KCTD1: variants seen among roughly 807,000 people sequenced by gnomAD.
The protein encoded by KCTD1 is potassium channel tetramerization domain containing 1.
Under a neutral mutation model 66.0 loss-of-function variants are expected in KCTD1, and 24 were observed. That is an observed-to-expected ratio of 0.36 (90% confidence interval 0.26 to 0.51). KCTD1 has a LOEUF of 0.51. KCTD1 is among the 20% of genes least tolerant of loss of function. The pLI, the probability that KCTD1 is intolerant of heterozygous loss-of-function variation, is 0.95. For missense variants in KCTD1, 943 were observed against 1,205.2 expected, an observed-to-expected ratio of 0.78 and a Z score of 3.22; for synonymous variants, 511 against 517.2, an observed-to-expected ratio of 0.99 and a Z score of 0.16.
intron 1 of KCTD1, among the ~76,000 whole-genome samples, chr18:26,507,376 T>C (rs1983095037): frequency 6.6e-6 from 1 of 152,124 alleles, no homozygotes; most frequent in South Asian, 2.1e-4. Context: ...TACAATTTAT[T>C]CTTATTTCTT....
chr18:26,464,302 T>C (rs1169737215), intron 3 of KCTD1, among the ~76,000 whole-genome samples: 1 of 152,232 alleles, frequency 6.6e-6, no homozygotes, highest in Non-Finnish European at 1.5e-5. Flanking sequence ...CCTTGGCCCA[T>C]GGCCAGCAAG....
chr18:26,520,905 C>T (rs944091270), intron 1 of KCTD1, among the ~76,000 whole-genome samples: 2 of 152,238 alleles, frequency 1.3e-5, no homozygotes, highest in East Asian at 3.8e-4. Context: ...AGCTGAGCTC[C>T]TGGCTCCTGC....
intron 1 of KCTD1, among the ~76,000 whole-genome samples, chr18:26,523,207 C>G (rs1388700537): frequency 6.6e-6 from 1 of 152,078 alleles, no homozygotes; most frequent in Non-Finnish European, 1.5e-5. Flanking sequence ...CTGAGTTAAA[C>G]AGGCTTCTTT....
intron 1 of KCTD1, chr18:26,591,551 G>A (rs1028255233): frequency 1.3e-5 from 2 of 152,120 alleles, no homozygotes; most frequent in African/African-American, 2.4e-5. Context: ...CAAGGTGCAG[G>A]GATTTCCCCA....
chr18:26,558,321 T>C (rs1416596570), intron 1 of KCTD1, among the ~76,000 whole-genome samples: 1 of 152,082 alleles, frequency 6.6e-6, no homozygotes, highest in East Asian at 1.9e-4. Context: ...CTGGCGAGGA[T>C]GTGGAGAAGA....
intron 1 of KCTD1, among the ~76,000 whole-genome samples, chr18:26,651,955 T>C (rs1055999781): frequency 8.5e-5 from 13 of 152,090 alleles, no homozygotes; most frequent in African/African-American, 3.1e-4. Flanking sequence ...ACTACTTGCC[T>C]CACAGTCTTG....
rs145025045 is a variant in KCTD1 at position 26,626,245 on chromosome 18, T to C, written c.-16+2902A>G. Among the ~76,000 whole-genome samples the C allele has an allele frequency of 2.0e-5, 3 of 152,244 alleles. No homozygotes were observed. In the East Asian group the frequency reaches 5.8e-4, roughly 29 times the overall value. On this transcript the variant is annotated intron_variant, in intron 1 of 4. Transcript: ENST00000317932. ...TTGCAATCAAGAGCATCCAAACAGC[T>C]TAAGCCTATGCCAGCACTGTTCCAG...
chr18:26,569,423 C>T (rs1240310321), intron 1 of KCTD1, among the ~76,000 whole-genome samples: 1 of 152,188 alleles, frequency 6.6e-6, no homozygotes, highest in Non-Finnish European at 1.5e-5. Flanking sequence ...AAAACCCACT[C>T]AGATCCCTTC....
At chr18:26,497,838 C>T (rs556261065) in intron 2 of KCTD1, among the ~76,000 whole-genome samples, 4 of 152,050 alleles carry the variant, frequency 2.6e-5, no homozygotes, top group East Asian at 1.9e-4. Context: ...AACTTGTGAC[C>T]GGCTGGGGTA....
chr18:26,493,443 A>C (rs1467466584), intron 2 of KCTD1, among the ~76,000 whole-genome samples: 2 of 152,210 alleles, frequency 1.3e-5, no homozygotes, highest in African/African-American at 4.8e-5. Flanking sequence ...TAGTTTTAAT[A>C]TAAGGAGAGA....
intron 1 of KCTD1, among the ~76,000 whole-genome samples, chr18:26,601,326 TAAAA>T (rs61521451): frequency 0.011 from 1,069 of 93,266 alleles, 9 homozygotes; most frequent in Non-Finnish European, 0.016. Context: ...TGTTCATTGG[TAAAA>T]AAAAAAAAAA....
At chr18:26,527,021 A>G (rs1490469984) in intron 1 of KCTD1, among the ~76,000 whole-genome samples, 4 of 152,134 alleles carry the variant, frequency 2.6e-5, no homozygotes, top group Non-Finnish European at 5.9e-5. Flanking sequence ...TTAATTCCCA[A>G]ACTACCTGTT....
At chr18:26,579,784 T>A (rs1242845352) in intron 1 of KCTD1, among the ~76,000 whole-genome samples, 5 of 152,188 alleles carry the variant, frequency 3.3e-5, no homozygotes, top group Non-Finnish European at 7.3e-5. Context: ...AAGCTTGTTT[T>A]TGACTCCAGC....
intron 1 of KCTD1, among the ~76,000 whole-genome samples, chr18:26,542,638 A>C (rs1430258127): frequency 6.6e-6 from 1 of 152,210 alleles, no homozygotes; most frequent in Non-Finnish European, 1.5e-5. Flanking sequence ...CTCGGAAAAC[A>C]AAGGCTTCTT....
intron 2 of KCTD1, among the ~76,000 whole-genome samples, chr18:26,478,622 C>T (rs1019465924): frequency 2.2e-4 from 34 of 152,090 alleles, no homozygotes; most frequent in African/African-American, 6.8e-4. Flanking sequence ...CTTGGATGTA[C>T]GCTTGCACAG....
chr18:26,495,107 T>A (rs1391238650), intron 2 of KCTD1, among the ~76,000 whole-genome samples: 3 of 116,134 alleles, frequency 2.6e-5, no homozygotes, highest in Non-Finnish European at 5.4e-5. Flanking sequence ...TTGAATGCAT[T>A]TTTTTTTTTG....
chr18:26,597,192 C>G (rs944247191), intron 1 of KCTD1, among the ~76,000 whole-genome samples: 1 of 151,088 alleles, frequency 6.6e-6, no homozygotes, highest in Non-Finnish European at 1.5e-5. Flanking sequence ...GAGGGTACCC[C>G]CAGAGAGGGA....
intron 1 of KCTD1, among the ~76,000 whole-genome samples, chr18:26,651,318 G>C (rs1332239211): frequency 1.3e-5 from 2 of 151,482 alleles, no homozygotes; most frequent in Non-Finnish European, 2.9e-5. Flanking sequence ...GCTAATGGGG[G>C]CTAATGGCAG....
At chr18:26,576,521 A>C (rs1273782432) in intron 1 of KCTD1, among the ~76,000 whole-genome samples, 3 of 152,196 alleles carry the variant, frequency 2.0e-5, no homozygotes, top group Admixed American at 2.0e-4. Context: ...TTAAGCTTTC[A>C]AGAGTTATAC....
Sources: allele counts gnomAD v4.1 joint callset (sites outside exome capture counted in the v4.1 genomes callset), GRCh38; gene constraint gnomAD v4.1.1; transcripts MANE v1.5; gene names NCBI Gene and HGNC (gene_info 2026-07-23, HGNC 2026-07-21).